Variants in VASN observed in about 807,000 individuals in gnomAD.
VASN encodes protein slit-like 2.
In VASN, 5 loss-of-function variants were observed where a neutral mutation model predicts 4.8. That is an observed-to-expected ratio of 1.03 (90% CI 0.54 to 2.17). The LOEUF (loss-of-function observed/expected upper bound fraction) is 2.17. Ranked by LOEUF, VASN falls within the 30% of genes most tolerant of loss-of-function variation. VASN has a pLI of 0.01. For missense variants in VASN, 927 were observed against 948.8 expected (o/e 0.98, Z 0.30); for synonymous variants, 499 against 460.8 (o/e 1.08, Z -1.06).
At chr16:4,372,196 C>A (rs1277595995) in intron 1 of VASN, among the ~76,000 whole-genome samples, 1 of 152,094 alleles carries the variant, frequency 6.6e-6, no homozygotes, top group African/African-American at 2.4e-5. Context: ...CCGACAGCCC[C>A]GCGGCCGGCC....
chr16:4,380,953 T>C lies in VASN; in HGVS notation c.76T>C (p.Ser26Pro). ...GGGGCCTGGGGTGCAGGGCTGCCCA[T>C]CCGGCTGCCAGTGCAGCCAGCCACA... ...ALGPGVQGCP[S>P]GCQCSQPQTV... Residue 26 changes from serine to proline, a missense_variant, in exon 2 of 2, where the codon TCC (serine) becomes CCC (proline). Physicochemically the swap from Ser to Pro is moderately conservative, Grantham distance 74 (BLOSUM62 -1). Transcript: ENST00000304735. 2 of 1,600,414 alleles carry C rather than the reference T, an allele frequency of 1.2e-6. No individual in the cohort carries two copies. The highest frequency in any genetic ancestry group is 1.7e-6 in the Non-Finnish European group (2 of 1,176,440).
At chr16:4,377,266 C>T (rs1331642485) in intron 1 of VASN, among the ~76,000 whole-genome samples, 2 of 151,760 alleles carry the variant, frequency 1.3e-5, no homozygotes, top group Non-Finnish European at 2.9e-5. Flanking sequence ...TCCGGAACAC[C>T]TCCTGCACCA....
At position 4,371,947 on chromosome 16, in the gene VASN, G is replaced by C. The variant is rs1567262085; in HGVS notation, c.-56G>C. 6.6e-6 allele frequency: 1 copy of C among 152,336 alleles called. No homozygotes were observed. Among genetic ancestry groups the C allele is most frequent in the Non-Finnish European group, 1.5e-5 (1 of 68,102 alleles). The allele number at this position is 152,336 out of a possible 1,614,324, so 9.4% of individuals were successfully genotyped here. A position where few individuals can be genotyped will look rare whatever the true frequency, so the allele number is the denominator to read the frequency against. On this transcript the variant is annotated 5_prime_UTR_variant, in exon 1 of 2. Transcript: ENST00000304735. ...GGCCCGACCCGCCAGGAAAGACTGAGGCCGCGGCCTGCCCCGCCCGGCTCC... is the reference window on the plus strand; with the variant it reads ...GGCCCGACCCGCCAGGAAAGACTGACGCCGCGGCCTGCCCCGCCCGGCTCC...
chr16:4,375,901 G>T (rs1020091478), intron 1 of VASN, among the ~76,000 whole-genome samples: 1 of 152,216 alleles, frequency 6.6e-6, no homozygotes, highest in African/African-American at 2.4e-5. Flanking sequence ...GGCGTCACAG[G>T]TGGGAGACGG....
chr16:4,376,458 C>G (rs1008776990), intron 1 of VASN, among the ~76,000 whole-genome samples: 1 of 152,188 alleles, frequency 6.6e-6, no homozygotes, highest in Non-Finnish European at 1.5e-5. Context: ...CACGCTGAAG[C>G]ATACGGCACA....
chr16:4,378,495 C>T (rs2054831210), intron 1 of VASN, among the ~76,000 whole-genome samples: 1 of 152,142 alleles, frequency 6.6e-6, no homozygotes, highest in Non-Finnish European at 1.5e-5. Flanking sequence ...GGGGGTCACT[C>T]ACAGCCCACA....
At chr16:4,378,940 T>TG (rs758864399) in intron 1 of VASN, among the ~76,000 whole-genome samples, 48 of 152,186 alleles carry the variant, frequency 3.2e-4, no homozygotes, top group Non-Finnish European at 5.2e-4. Flanking sequence ...ATACTACACG[T>TG]GGGCAGGGCC....
At chr16:4,375,100 C>A (rs879578791) in intron 1 of VASN, among the ~76,000 whole-genome samples, 3 of 152,192 alleles carry the variant, frequency 2.0e-5, no homozygotes, top group Non-Finnish European at 4.4e-5. Flanking sequence ...ACAGGTTGCA[C>A]CTCTTGTGAC....
At chr16:4,379,043 CTG>C (rs1399801035) in intron 1 of VASN, among the ~76,000 whole-genome samples, 2 of 152,220 alleles carry the variant, frequency 1.3e-5, no homozygotes, top group East Asian at 3.9e-4. Flanking sequence ...CTTGTCTAAT[CTG>C]TCCTGGGACC....
chr16:4,382,707 G>A lies in VASN; in HGVS notation c.1830G>A (p.Gln610=). 1 of 1,550,436 alleles carries A rather than the reference G, an allele frequency of 6.4e-7. No homozygotes were observed. Among genetic ancestry groups the A allele is most frequent in the Non-Finnish European group, 8.7e-7 (1 of 1,148,294 alleles). Residue 610 remains glutamine (Q), a synonymous_variant, in exon 2 of 2, where the codon CAG becomes CAA. Transcript: ENST00000304735. ...RRGRAMAAAA[Q]DKGQVGPGAG... ...GGCGGGCCATGGCAGCAGCGGCTCA[G>A]GACAAAGGGCAGGTGGGGCCAGGGG...
intron 1 of VASN, among the ~76,000 whole-genome samples, chr16:4,377,440 G>A (rs1043035778): frequency 5.3e-5 from 8 of 152,128 alleles, no homozygotes; most frequent in Non-Finnish European, 1.2e-4. Context: ...CCAGACCCCA[G>A]GCGGGCGGGA....
In VASN at chr16:4,381,782, G is replaced by A. The variant is rs2054983325; in HGVS notation, c.905G>A (p.Cys302Tyr). The stretch of plus-strand genomic sequence containing the variant: ...GCAGCTGCCCGCAACCCCTTCAACT[G>A]CGTGTGCCCCCTGAGCTGGTTTGGC... ...LLAAARNPFN[C>Y]VCPLSWFGPW... Residue 302 changes from cysteine to tyrosine, a missense_variant, in exon 2 of 2, where the codon TGC becomes TAC. Physicochemically the swap from Cys to Tyr is radical, Grantham distance 194. Coordinates refer to ENST00000304735, the MANE Select transcript of VASN (RefSeq NM_138440.3). 1.2e-6 allele frequency: 2 copies of A among 1,600,806 alleles called. No individual in the cohort carries two copies. Among genetic ancestry groups the A allele is most frequent in the Non-Finnish European group, 8.5e-7 (1 of 1,179,372 alleles).
rs2055018603 is a variant in VASN at position 4,382,415 on chromosome 16, T to C, written c.1538T>C (p.Leu513Pro). 1 of 1,611,604 alleles carries C rather than the reference T, an allele frequency of 6.2e-7. No homozygotes were observed. Among genetic ancestry groups the C allele is most frequent in the Non-Finnish European group, 8.5e-7 (1 of 1,179,610 alleles). Reference sequence around the variant, plus strand: ...GATAAGCGGCTGGTGACGCTGCGACTGCCTGCCTCGCTCGCTGAGTACACG... The same window carrying C: ...GATAAGCGGCTGGTGACGCTGCGACCGCCTGCCTCGCTCGCTGAGTACACG... ...GPDKRLVTLR[L>P]PASLAEYTVT... is the part of the protein sequence containing the mutation. Residue 513 changes from leucine (L) to proline (P), a missense_variant, in exon 2 of 2, where the codon CTG becomes CCG. Coordinates refer to ENST00000304735, the MANE Select transcript of VASN (RefSeq NM_138440.3).
At chr16:4,380,804 T>A in intron 1 of VASN, 65 bp from the exon 2 acceptor site, 1 of 1,407,014 alleles carries the variant, frequency 7.1e-7, no homozygotes, top group South Asian at 1.5e-5. Flanking sequence ...TGGCTCTTCC[T>A]GGCGTGTCTG....
intron 1 of VASN, among the ~76,000 whole-genome samples, chr16:4,378,516 A>G (rs1407572216): frequency 1.3e-5 from 2 of 152,164 alleles, no homozygotes; most frequent in Non-Finnish European, 2.9e-5. Context: ...TCTGGAGGCC[A>G]GGCCGCACCC....
rs935887474 is a variant in VASN at position 4,380,931 on chromosome 16, G to A, written c.54G>A (p.Gly18=). Residue 18 remains glycine, a synonymous_variant, in exon 2 of 2, where the codon GGG becomes GGA. Transcript: ENST00000304735. ...LLPLLLLLAL[G]PGVQGCPSGC... ...CGCTGCTCCTGCTACTGGCCCTGGG[G>A]CCTGGGGTGCAGGGCTGCCCATCCG... 6.3e-7 allele frequency: 1 copy of A among 1,588,422 alleles called. No individual in the cohort carries two copies. The highest frequency in any genetic ancestry group is 1.3e-5 in the African/African-American group (1 of 74,526).
In VASN at chr16:4,381,107, G is replaced by A. The variant is rs1218232164; in HGVS notation, c.230G>A (p.Gly77Asp). ...LDAGSFAGLP[G>D]LQLLDLSQNQ... ...GCAGGCAGCTTTGCCGGCCTGCCGGGCCTGCAGCTCCTGGACCTGTCACAG... is the reference window on the plus strand; with the variant it reads ...GCAGGCAGCTTTGCCGGCCTGCCGGACCTGCAGCTCCTGGACCTGTCACAG... Residue 77 changes from glycine to aspartate, a missense_variant, in exon 2 of 2, where the codon GGC becomes GAC. Coordinates refer to ENST00000304735, the MANE Select transcript of VASN (RefSeq NM_138440.3). 1.9e-6 allele frequency: 3 copies of A among 1,609,008 alleles called. No individual in the cohort carries two copies. In the Admixed American group the frequency reaches 5.0e-5, roughly 27 times the overall value.
rs376035961 is a variant in VASN at position 4,381,869 on chromosome 16, C to T, written c.992C>T (p.Pro331Leu). The T allele has an allele frequency of 1.4e-5, 22 of 1,603,536 alleles. No homozygotes were observed. The highest frequency in any genetic ancestry group is 6.7e-5 in the African/African-American group (5 of 74,914). The change falls in exon 2 of 2, where the codon CCG becomes CTG. Residue 331 changes from proline to leucine, a missense_variant. Pro to Leu is a moderately conservative substitution (Grantham distance 98). Coordinates refer to ENST00000304735, the MANE Select transcript of VASN (RefSeq NM_138440.3). Reference protein sequence around the residue: ...ASPEETRCHFPPKNAGRLLLE... With the variant: ...ASPEETRCHFLPKNAGRLLLE... ...CCTGAGGAGACGCGCTGCCACTTCCCGCCCAAGAACGCTGGCCGGCTGCTC... is the reference window on the plus strand; with the variant it reads ...CCTGAGGAGACGCGCTGCCACTTCCTGCCCAAGAACGCTGGCCGGCTGCTC...
intron 1 of VASN, among the ~76,000 whole-genome samples, chr16:4,376,705 G>A (rs1187011044): frequency 1.3e-5 from 2 of 152,160 alleles, no homozygotes; most frequent in Non-Finnish European, 2.9e-5. Flanking sequence ...GAGATGACGA[G>A]TGCCTTGTCC....
Sources: allele counts gnomAD v4.1 joint callset (sites outside exome capture counted in the v4.1 genomes callset), GRCh38; gene constraint gnomAD v4.1.1; transcripts MANE v1.5; gene names NCBI Gene and HGNC (gene_info 2026-07-23, HGNC 2026-07-21).